Variants in CRACD observed in about 807,000 individuals in gnomAD.
The protein encoded by CRACD is capping protein inhibiting regulator of actin dynamics.
A neutral mutation model predicts 106.8 loss-of-function variants in CRACD; 56 were observed. That is an observed-to-expected ratio of 0.52 (90% CI 0.42 to 0.66). The LOEUF (loss-of-function observed/expected upper bound fraction) is 0.66, where lower values mean the gene tolerates loss of function less well. CRACD is among the 30% of genes least tolerant of loss of function. The pLI is 0.00. For missense variants in CRACD, 1,730 were observed against 1,623.2 expected (o/e 1.07, Z -1.13); for synonymous variants, 754 against 670.8 (o/e 1.12, Z -1.92).
intron 4 of CRACD, 75 bp from the exon 5 acceptor site, chr4:56,307,460 A>G (rs1010076560): frequency 6.7e-7 from 1 of 1,487,516 alleles, no homozygotes; most frequent in Non-Finnish European, 9.3e-7. Flanking sequence ...CTCACTAGAC[A>G]TGCTGGAGAA....
At chr4:56,096,251 G>T (rs570058646) in intron 1 of CRACD, among the ~76,000 whole-genome samples, 4 of 152,286 alleles carry the variant, frequency 2.6e-5, no homozygotes, top group African/African-American at 9.6e-5. Flanking sequence ...ACTGGATGAA[G>T]TTACCCAGAG....
intron 2 of CRACD, among the ~76,000 whole-genome samples, chr4:56,237,240 A>G (rs1740031937): frequency 1.3e-5 from 2 of 152,284 alleles, no homozygotes; most frequent in South Asian, 2.1e-4. Flanking sequence ...TAAAATGAAG[A>G]AAACAAATTA....
intron 3 of CRACD, among the ~76,000 whole-genome samples, chr4:56,287,557 A>G (rs1042513942): frequency 6.6e-6 from 1 of 152,160 alleles, no homozygotes; most frequent in Non-Finnish European, 1.5e-5. Context: ...CTGGGATTAC[A>G]GGCAAGAGCC....
intron 1 of CRACD, among the ~76,000 whole-genome samples, chr4:56,171,995 G>A (rs1442688927): frequency 8.5e-6 from 1 of 117,684 alleles, no homozygotes; most frequent in African/African-American, 3.2e-5. Flanking sequence ...CTGCTGGTGC[G>A]TGGAGGTATC....
chr4:56,153,318 T>C (rs1735651179), intron 1 of CRACD, among the ~76,000 whole-genome samples: 2 of 152,152 alleles, frequency 1.3e-5, no homozygotes, highest in African/African-American at 2.4e-5. Flanking sequence ...ATTTATTAAC[T>C]AGATTCCTCC....
intron 10 of CRACD, among the ~76,000 whole-genome samples, chr4:56,326,264 CCGCA>C (rs1360143603): frequency 2.8e-5 from 3 of 107,142 alleles, no homozygotes; most frequent in Non-Finnish European, 4.3e-5. Context: ...TTCTTAAGAA[CCGCA>C]GGCAGGCATT....
At chr4:56,135,872 A>C (rs377701963) in intron 1 of CRACD, among the ~76,000 whole-genome samples, 26 of 152,032 alleles carry the variant, frequency 1.7e-4, no homozygotes, top group East Asian at 1.5e-3. Context: ...AATTAATAGA[A>C]AGACTATTTC....
chr4:56,111,219 T>C (rs35162069), intron 1 of CRACD, among the ~76,000 whole-genome samples: 7,532 of 152,042 alleles, frequency 0.05, 264 homozygotes, highest in East Asian at 0.18. Flanking sequence ...GGGGGTAGCT[T>C]CCATAGTAAA....
chr4:56,178,481 T>G (rs911411984), intron 1 of CRACD, among the ~76,000 whole-genome samples: 6 of 152,234 alleles, frequency 3.9e-5, no homozygotes, highest in African/African-American at 1.2e-4. Context: ...CTCCGAAGCC[T>G]TTAAACAGAT....
In CRACD at chr4:56,315,630, C is replaced by T. The variant is rs977713314; in HGVS notation, c.2128C>T (p.Arg710Trp). ...CCGGTGTGATTCCCGCGGGAACCAA[C>T]GGAAGACTCCGCCAGTCAATGCAAA... is the stretch of plus-strand genomic sequence containing the variant. The part of the protein sequence containing the change: ...RGRCDSRGNQ[R>W]KTPPVNAKFS... Residue 710 changes from arginine to tryptophan, a missense_variant, in exon 8 of 11, where the codon CGG becomes TGG. Arg to Trp is a moderately radical substitution (Grantham distance 101). Transcript: ENST00000682029. The surrounding 1 kb of genome is among the most constrained non-coding windows in gnomAD (Gnocchi z 4.1). 6.2e-7 allele frequency: 1 copy of T among 1,614,208 alleles called. No individual in the cohort carries two copies. The highest frequency in any genetic ancestry group is 8.5e-7 in the Non-Finnish European group (1 of 1,180,042).
chr4:56,107,190 G>A (rs537446289), intron 1 of CRACD, among the ~76,000 whole-genome samples: 1 of 151,954 alleles, frequency 6.6e-6, no homozygotes, highest in East Asian at 1.9e-4. Flanking sequence ...AGTGTTACCC[G>A]GGGTGCTCTT....
chr4:56,286,737 C>T (rs756725371), intron 3 of CRACD, among the ~76,000 whole-genome samples: 3 of 152,102 alleles, frequency 2.0e-5, no homozygotes, highest in Non-Finnish European at 4.4e-5. Context: ...TAACATCTTA[C>T]TGTGTGTTCA....
chr4:56,252,851 C>T (rs186150645), intron 2 of CRACD, among the ~76,000 whole-genome samples: 6 of 152,322 alleles, frequency 3.9e-5, no homozygotes, highest in Admixed American at 3.9e-4. Flanking sequence ...TGAGGCATGA[C>T]TTTGCCCCTA....
chr4:56,082,456 G>T (rs191833282), intron 1 of CRACD, among the ~76,000 whole-genome samples: 2 of 152,326 alleles, frequency 1.3e-5, no homozygotes, highest in Admixed American at 1.3e-4. Flanking sequence ...AGGAAGGCAA[G>T]AGTAGAAGCA....
At chr4:56,167,952 C>G (rs778139756) in intron 1 of CRACD, among the ~76,000 whole-genome samples, 3 of 152,190 alleles carry the variant, frequency 2.0e-5, no homozygotes, top group Non-Finnish European at 4.4e-5. Context: ...CATATTACTT[C>G]TGGTTACCTT....
rs1377161819 is a variant in CRACD at position 56,330,268 on chromosome 4, A to G, written c.*2464A>G. On this transcript the variant is annotated 3_prime_UTR_variant, in exon 11 of 11. Coordinates refer to ENST00000682029, the MANE Select transcript of CRACD (RefSeq NM_001393381.1). ...ATGATTAACCTCTGTTCATAGACTT[A>G]TATATAAAACTAGAGGGTTTTTTGT... is the stretch of plus-strand genomic sequence containing the variant. Among the ~76,000 whole-genome samples the G allele has an allele frequency of 2.0e-5, 3 of 151,756 alleles. No homozygotes were observed. Among genetic ancestry groups the G allele is most frequent in the African/African-American group, 7.3e-5 (3 of 41,270 alleles).
intron 2 of CRACD, among the ~76,000 whole-genome samples, chr4:56,212,169 C>T (rs1738443025): frequency 6.6e-6 from 1 of 152,172 alleles, no homozygotes; most frequent in Non-Finnish European, 1.5e-5. Context: ...CCTCACTGCT[C>T]ATTATATGCT....
chr4:56,330,265 CTT>C lies in CRACD; in HGVS notation c.*2462_*2463del, dbSNP rs1225180590. Among the ~76,000 whole-genome samples, 3 of 151,322 alleles carry C rather than the reference CTT, an allele frequency of 2.0e-5. No individual in the cohort carries two copies. The highest frequency in any genetic ancestry group is 4.4e-5 in the Non-Finnish European group (3 of 67,938). Reference sequence around the variant, plus strand: ...TAGATGATTAACCTCTGTTCATAGACTTATATATAAAACTAGAGGGTTTTTTG... The same window carrying C: ...TAGATGATTAACCTCTGTTCATAGACATATATAAAACTAGAGGGTTTTTTG... On this transcript the variant is annotated 3_prime_UTR_variant, in exon 11 of 11. Transcript: ENST00000682029.
chr4:56,121,883 G>A lies in CRACD; in HGVS notation c.-335-57401G>A, dbSNP rs113180814. Among the ~76,000 whole-genome samples, 642 of 152,312 alleles carry A rather than the reference G, an allele frequency of 4.2e-3. 9 individuals carry two copies. Among genetic ancestry groups the A allele is most frequent in the African/African-American group, 0.015 (617 of 41,574 alleles). ...TGATTAATACTTGACAGTGATTGCA[G>A]CAATTGTTTAGAACCTAGACCAACA... On this transcript the variant is annotated intron_variant, in intron 1 of 10. Transcript: ENST00000682029.
Sources: allele counts gnomAD v4.1 joint callset (sites outside exome capture counted in the v4.1 genomes callset), GRCh38; gene constraint gnomAD v4.1.1; non-coding constraint Gnocchi (gnomAD v3.1); transcripts MANE v1.5; gene names NCBI Gene and HGNC (gene_info 2026-07-23, HGNC 2026-07-21).